Variants in NIPAL2 observed in about 807,000 individuals in gnomAD.
NIPAL2 encodes NIPA like domain containing 2.
Under a neutral mutation model 48.9 loss-of-function variants are expected in NIPAL2, and 43 were observed. That is an observed-to-expected ratio of 0.88 (90% CI 0.69 to 1.13). NIPAL2 has a LOEUF of 1.13. Among genes scored for constraint, NIPAL2 ranks in the 50% most tolerant of loss-of-function variants. The pLI is 0.00. For missense variants in NIPAL2, 446 were observed against 461.4 expected, an observed-to-expected ratio of 0.97 and a Z score of 0.31; for synonymous variants, 167 against 174.6, an observed-to-expected ratio of 0.96 and a Z score of 0.34.
At chr8:98,197,093 T>C (rs1810585970) in intron 8 of NIPAL2, among the ~76,000 whole-genome samples, 2 of 151,220 alleles carry the variant, frequency 1.3e-5, no homozygotes, top group South Asian at 4.2e-4. Flanking sequence ...TTTTTTTTTT[T>C]CAATTTTTTT....
chr8:98,228,499 T>C (rs1402957480), intron 4 of NIPAL2, among the ~76,000 whole-genome samples: 3 of 152,204 alleles, frequency 2.0e-5, no homozygotes, highest in African/African-American at 7.2e-5. Context: ...TTAGGCAAGT[T>C]ATTTACTCCA....
At chr8:98,267,583 G>T (rs1467660120) in intron 1 of NIPAL2, among the ~76,000 whole-genome samples, 1 of 152,058 alleles carries the variant, frequency 6.6e-6, no homozygotes, top group South Asian at 2.1e-4. Context: ...GCCTCCTAAA[G>T]TGTTAGGATT....
At chr8:98,288,561 TG>T (rs1816323000) in intron 1 of NIPAL2, among the ~76,000 whole-genome samples, 1 of 151,160 alleles carries the variant, frequency 6.6e-6, no homozygotes, top group South Asian at 2.1e-4. Flanking sequence ...TACCCAGTAA[TG>T]GGATGGCTGG....
intron 8 of NIPAL2, among the ~76,000 whole-genome samples, chr8:98,201,745 T>G (rs1405991187): frequency 6.6e-6 from 1 of 152,200 alleles, no homozygotes; most frequent in Non-Finnish European, 1.5e-5. Context: ...TTTTCTTAAT[T>G]TATTAACTAG....
chr8:98,226,622 C>G (rs1265856533), intron 4 of NIPAL2, among the ~76,000 whole-genome samples: 1 of 152,180 alleles, frequency 6.6e-6, no homozygotes, highest in Admixed American at 6.5e-5. Flanking sequence ...CTCTCTCTCT[C>G]TGTCCTGAAT....
chr8:98,270,710 C>A (rs981447245), intron 1 of NIPAL2, among the ~76,000 whole-genome samples: 1 of 152,048 alleles, frequency 6.6e-6, no homozygotes, highest in African/African-American at 2.4e-5. Flanking sequence ...AATTAGGTCC[C>A]ATCTGTCAAT....
intron 3 of NIPAL2, among the ~76,000 whole-genome samples, chr8:98,238,425 A>G (rs946229443): frequency 1.4e-4 from 21 of 152,180 alleles, no homozygotes; most frequent in African/African-American, 4.8e-4. Flanking sequence ...ACACATTACA[A>G]TTTGCCATGT....
intron 6 of NIPAL2, among the ~76,000 whole-genome samples, chr8:98,206,607 T>G (rs1811052423): frequency 6.6e-6 from 1 of 151,662 alleles, no homozygotes; most frequent in Admixed American, 6.6e-5. Context: ...GCTAGCACAG[T>G]GAAACCCTGT....
intron 1 of NIPAL2, among the ~76,000 whole-genome samples, chr8:98,289,672 TCTC>T (rs1323187912): frequency 6.6e-6 from 1 of 151,660 alleles, no homozygotes; most frequent in African/African-American, 2.4e-5. Flanking sequence ...TATACATACA[TCTC>T]CTAGAAAATC....
intron 3 of NIPAL2, among the ~76,000 whole-genome samples, chr8:98,237,684 A>C (rs1812787574): frequency 1.3e-5 from 2 of 152,136 alleles, no homozygotes; most frequent in Admixed American, 1.3e-4. Context: ...CCTTTACTGA[A>C]GTAATTATAA....
chr8:98,266,221 A>G (rs1420831783), intron 1 of NIPAL2, among the ~76,000 whole-genome samples: 2 of 150,912 alleles, frequency 1.3e-5, no homozygotes, highest in Admixed American at 6.6e-5. Flanking sequence ...AGCATGGCAC[A>G]TGTATACATA....
intron 1 of NIPAL2, among the ~76,000 whole-genome samples, chr8:98,266,090 C>T (rs1211108787): frequency 7.7e-6 from 1 of 129,726 alleles, no homozygotes; most frequent in African/African-American, 3.0e-5. Flanking sequence ...AATGAGATCA[C>T]ATGGACACAG....
intron 5 of NIPAL2, among the ~76,000 whole-genome samples, chr8:98,213,732 T>C (rs1455984298): frequency 6.6e-6 from 1 of 152,182 alleles, no homozygotes; most frequent in Non-Finnish European, 1.5e-5. Flanking sequence ...TCCAAGTCAC[T>C]CAGCTCACAG....
intron 3 of NIPAL2, among the ~76,000 whole-genome samples, chr8:98,247,413 C>A (rs10105510): frequency 0.27 from 40,300 of 152,012 alleles, 6,210 homozygotes; most frequent in Admixed American, 0.36. Flanking sequence ...GGTCATTGTG[C>A]GCATGCTGAG....
Position 98,190,746 on chromosome 8 carries a change from A to G in NIPAL2, c.*2232T>C, listed in dbSNP as rs1052474919. On this transcript the variant is annotated 3_prime_UTR_variant, in exon 11 of 11. Transcript: ENST00000430223. ...AGACACCATGTCTGTCTGTTGGTAC[A>G]GACAACACAAACTCCAAAATATGTA... The G allele has an allele frequency of 1.3e-5, 2 of 152,232 alleles. No homozygotes were observed. Among genetic ancestry groups the G allele is most frequent in the African/African-American group, 4.8e-5 (2 of 41,454 alleles). The allele number at this position is 152,232 out of a possible 1,614,324, so 9.4% of individuals were successfully genotyped here.
At chr8:98,217,985 T>C (rs970265523) in intron 5 of NIPAL2, among the ~76,000 whole-genome samples, 2 of 152,230 alleles carry the variant, frequency 1.3e-5, no homozygotes, top group African/African-American at 4.8e-5. Flanking sequence ...AAGAGTTGAT[T>C]TTGGAAAAAT....
At chr8:98,200,085 T>C (rs1810732887) in intron 8 of NIPAL2, among the ~76,000 whole-genome samples, 1 of 152,196 alleles carries the variant, frequency 6.6e-6, no homozygotes, top group Non-Finnish European at 1.5e-5. Flanking sequence ...CCTGAGTAGC[T>C]GGGACTAAAG....
At position 98,261,382 on chromosome 8, in the gene NIPAL2, A is replaced by C. The variant is rs1437709242; in HGVS notation, c.136-7295T>G. On this transcript the variant is annotated intron_variant, in intron 1 of 10. Coordinates refer to ENST00000430223, the MANE Select transcript of NIPAL2 (RefSeq NM_001321635.2). ...GGCAAAGAAGTTGAAAACTTTGAAA[A>C]AAATTTAGAAGAATGTATAACTAGA... Among the ~76,000 whole-genome samples the C allele has an allele frequency of 3.7e-5, 5 of 135,528 alleles. No homozygotes were observed. In the South Asian group the frequency reaches 8.0e-4, roughly 22 times the overall value. 88.9% of individuals were successfully genotyped at this position (135,528 alleles called of 152,430 possible).
intron 3 of NIPAL2, among the ~76,000 whole-genome samples, chr8:98,249,203 TA>T (rs1813442210): frequency 6.6e-6 from 1 of 152,200 alleles, no homozygotes; most frequent in South Asian, 2.1e-4. Flanking sequence ...GTGTCGCCTT[TA>T]AAACCCCAAA....
Sources: allele counts gnomAD v4.1 joint callset (sites outside exome capture counted in the v4.1 genomes callset), GRCh38; gene constraint gnomAD v4.1.1; transcripts MANE v1.5; gene names NCBI Gene and HGNC (gene_info 2026-07-23, HGNC 2026-07-21).